PPFIA1: variants seen among roughly 807,000 people sequenced by gnomAD.
PPFIA1 encodes liprin-alpha-1.
In PPFIA1, 25 loss-of-function variants were observed where a neutral mutation model predicts 149.9. The ratio of observed to expected loss-of-function variants is 0.17; its 90% CI spans 0.12 to 0.23. The LOEUF is 0.23. PPFIA1 is among the 10% of genes least tolerant of loss of function. The pLI is 1.00. For missense variants in PPFIA1, 1,362 were observed against 1,506.5 expected, an observed-to-expected ratio of 0.90 and a Z score of 1.59; for synonymous variants, 549 against 552.8, an observed-to-expected ratio of 0.99 and a Z score of 0.10.
chr11:70,349,190 C>A (rs1009689668), intron 16 of PPFIA1, among the ~76,000 whole-genome samples: 6 of 151,086 alleles, frequency 4.0e-5, no homozygotes, highest in African/African-American at 1.5e-4. Flanking sequence ...GCATTTGAAG[C>A]CGTGAACAAG....
chr11:70,304,906 T>G (rs2052747998), intron 2 of PPFIA1, among the ~76,000 whole-genome samples: 1 of 152,030 alleles, frequency 6.6e-6, no homozygotes, highest in Admixed American at 6.6e-5. Flanking sequence ...ACTAGAGAAG[T>G]GGGGATGTTA....
At chr11:70,319,173 C>T (rs1002081244) in intron 2 of PPFIA1, among the ~76,000 whole-genome samples, 3 of 152,330 alleles carry the variant, frequency 2.0e-5, no homozygotes, top group Non-Finnish European at 4.4e-5. Flanking sequence ...CGCCAGAATC[C>T]TTGGAGGCAT....
intron 2 of PPFIA1, among the ~76,000 whole-genome samples, chr11:70,300,535 ATTTT>A (rs199605338): frequency 7.6e-6 from 1 of 131,302 alleles, no homozygotes; most frequent in Non-Finnish European, 1.6e-5. Context: ...TGCCCACCTA[ATTTT>A]TTTTTTTTTT....
intron 16 of PPFIA1, chr11:70,350,858 A>G (rs2056014453): frequency 3.6e-6 from 1 of 274,816 alleles, no homozygotes; most frequent in Non-Finnish European, 5.8e-6. Context: ...TTCTGTATCC[A>G]GTTACATTTT....
chr11:70,339,916 T>C (rs933360647), intron 14 of PPFIA1, among the ~76,000 whole-genome samples: 2 of 152,058 alleles, frequency 1.3e-5, no homozygotes, highest in Admixed American at 1.3e-4. Flanking sequence ...CTCAGAAGGC[T>C]GAGGCAGAAG....
chr11:70,295,709 G>T, intron 2 of PPFIA1, among the ~76,000 whole-genome samples: 1 of 146,378 alleles, frequency 6.8e-6, no homozygotes, highest in African/African-American at 2.5e-5. Context: ...CCTCCCTCCC[G>T]GACGGGGCGG....
At chr11:70,322,476 G>A (rs1165521821) in intron 2 of PPFIA1, among the ~76,000 whole-genome samples, 2 of 152,106 alleles carry the variant, frequency 1.3e-5, no homozygotes. Context: ...CCTCCCGCAC[G>A]CTGCCCAGCC....
At chr11:70,279,146 G>C in intron 2 of PPFIA1, 1 of 543,932 alleles carries the variant, frequency 1.8e-6, no homozygotes, top group Non-Finnish European at 3.4e-6. Context: ...TATTCACAGC[G>C]GCAGTCGCGC....
At chr11:70,379,790 G>T (rs1466911283) in intron 26 of PPFIA1, among the ~76,000 whole-genome samples, 1 of 152,116 alleles carries the variant, frequency 6.6e-6, no homozygotes, top group African/African-American at 2.4e-5. Context: ...GGTGAGAATA[G>T]CTTACTTTGT....
At chr11:70,284,546 A>G (rs2050978343) in intron 2 of PPFIA1, among the ~76,000 whole-genome samples, 1 of 152,214 alleles carries the variant, frequency 6.6e-6, no homozygotes, top group Admixed American at 6.5e-5. Flanking sequence ...CCCATGCTCA[A>G]AGCAGGTGCA....
At chr11:70,292,603 A>G (rs1214234531) in intron 2 of PPFIA1, among the ~76,000 whole-genome samples, 1 of 152,158 alleles carries the variant, frequency 6.6e-6, no homozygotes, top group Admixed American at 6.5e-5. Context: ...GGCTGGGTAT[A>G]TGGATGTTTG....
At chr11:70,276,087 T>C (rs1591015005) in intron 2 of PPFIA1, among the ~76,000 whole-genome samples, 3 of 152,304 alleles carry the variant, frequency 2.0e-5, no homozygotes, top group East Asian at 1.9e-4. Flanking sequence ...GATTTTTCTG[T>C]TATGTGGGAA....
chr11:70,271,809 C>CA (rs2050113690), intron 1 of PPFIA1: 1 of 138,650 alleles, frequency 7.2e-6, no homozygotes, highest in Non-Finnish European at 1.6e-5. Context: ...CCTACCCCCC[C>CA]ACCCTCCCCA....
At chr11:70,294,409 T>A (rs1245468208) in intron 2 of PPFIA1, among the ~76,000 whole-genome samples, 1 of 152,164 alleles carries the variant, frequency 6.6e-6, no homozygotes, top group Admixed American at 6.5e-5. Context: ...TGAAGGGATA[T>A]GCCCACGTCC....
chr11:70,279,905 A>ATTGTGTGTGTGTGTGTG (rs368563994), intron 2 of PPFIA1, among the ~76,000 whole-genome samples: 14 of 144,860 alleles, frequency 9.7e-5, no homozygotes, highest in African/African-American at 3.7e-4. Flanking sequence ...TGTGTGGGGG[A>ATTGTGTGTGTGTGTGTG]TGTGTGTGTG....
chr11:70,326,913 C>G (rs1024792541), intron 7 of PPFIA1, 95 bp downstream of exon 7: 47 of 1,002,034 alleles, frequency 4.7e-5, no homozygotes, highest in Non-Finnish European at 6.9e-5. Flanking sequence ...CTCTTACTCT[C>G]CCAATTACTT....
At chr11:70,350,028 C>A in intron 16 of PPFIA1, 1 of 448,088 alleles carries the variant, frequency 2.2e-6, no homozygotes. Context: ...CGATTCTTCA[C>A]AGCATGCTCA....
In PPFIA1 at chr11:70,285,167, C is replaced by T. The variant is rs540653831; in HGVS notation, c.264+12731C>T. On this transcript the variant is annotated intron_variant, in intron 2 of 27. Transcript: ENST00000253925. ...GATTACAGGCGCCCGCCACCGTGCCCGGCTAATCTTTAGTAGAGACGGGAG... is the reference window on the plus strand; with the variant it reads ...GATTACAGGCGCCCGCCACCGTGCCTGGCTAATCTTTAGTAGAGACGGGAG... 2.6e-4 allele frequency among the ~76,000 whole-genome samples: 39 copies of T among 151,962 alleles called. 2 individuals carry two copies. The highest frequency in any genetic ancestry group is 4.2e-4 in the South Asian group (2 of 4,806).
Position 70,343,913 on chromosome 11 carries a change from C to G in PPFIA1, c.1931+21C>G, listed in dbSNP as rs55738915. 1.9e-6 allele frequency: 3 copies of G among 1,593,342 alleles called. No homozygotes were observed. In the African/African-American group the frequency reaches 4.0e-5, roughly 21 times the overall value. Reference sequence around the variant, plus strand: ...ATCAGGTGTGTGCAACCGTGCATGACACTCACCACACGCATGGGTGTCTCT... The same window carrying G: ...ATCAGGTGTGTGCAACCGTGCATGAGACTCACCACACGCATGGGTGTCTCT... On this transcript the variant is annotated intron_variant, in intron 15 of 27. Transcript: ENST00000253925.
Sources: allele counts gnomAD v4.1 joint callset (sites outside exome capture counted in the v4.1 genomes callset), GRCh38; gene constraint gnomAD v4.1.1; transcripts MANE v1.5; gene names NCBI Gene and HGNC (gene_info 2026-07-23, HGNC 2026-07-21).